Variants in RBKS observed in about 807,000 individuals in gnomAD.
RBKS encodes ribokinase.
RBKS carries 33 observed loss-of-function variants against 33.9 expected under a neutral mutation model. That is an observed-to-expected ratio of 0.97 (90% CI 0.74 to 1.30). RBKS has a LOEUF of 1.30. RBKS is among the 50% of genes most tolerant of loss of function. The pLI, the probability that RBKS is intolerant of heterozygous loss-of-function variation, is 0.00. For synonymous variants in RBKS, 125 were observed against 143.0 expected (o/e 0.87, Z 0.90); for missense variants, 361 against 392.6 (o/e 0.92, Z 0.68).
In RBKS at chr2:27,781,729, C is replaced by T. The variant is rs1424246169; in HGVS notation, c.855G>A (p.Leu285=). 6.2e-7 allele frequency: 1 copy of T among 1,614,108 alleles called. No homozygotes were observed. Among genetic ancestry groups the T allele is most frequent in the Non-Finnish European group, 8.5e-7 (1 of 1,180,008 alleles). The change falls in exon 8 of 8, where the codon CTG becomes CTA. Residue 285 remains leucine (L), a synonymous_variant. Coordinates refer to ENST00000302188, the MANE Select transcript of RBKS (RefSeq NM_022128.3). ...ATCTGTTGAGCATGTCTTCCAAGGACAGATTTGGATAGTAAGCCAGGTAGA... is the reference window on the plus strand; with the variant it reads ...ATCTGTTGAGCATGTCTTCCAAGGATAGATTTGGATAGTAAGCCAGGTAGA... ...LAFYLAYYPN[L]SLEDMLNRSN... is the part of the protein sequence containing the mutation.
At chr2:27,848,946 A>C (rs957214981) in intron 2 of RBKS, among the ~76,000 whole-genome samples, 1 of 152,046 alleles carries the variant, frequency 6.6e-6, no homozygotes, top group Non-Finnish European at 1.5e-5. Flanking sequence ...TGGGACTTTT[A>C]CTGAAACTAC....
intron 6 of RBKS, among the ~76,000 whole-genome samples, chr2:27,829,458 T>G (rs1228739818): frequency 7.0e-6 from 1 of 142,000 alleles, no homozygotes; most frequent in African/African-American, 2.7e-5. Context: ...AACCTGTGCC[T>G]CCCAGGTTCA....
intron 1 of RBKS, among the ~76,000 whole-genome samples, chr2:27,878,962 A>AT (rs1407995745): frequency 6.6e-6 from 1 of 152,176 alleles, no homozygotes; most frequent in Non-Finnish European, 1.5e-5. Flanking sequence ...AGCATGGCTG[A>AT]TTAGGCCTTT....
intron 1 of RBKS, among the ~76,000 whole-genome samples, chr2:27,864,849 A>C (rs559966489): frequency 2.0e-5 from 3 of 152,322 alleles, no homozygotes; most frequent in African/African-American, 2.4e-5. Context: ...GTGGGGGAAG[A>C]AGCAGCATGC....
At chr2:27,803,431 C>T (rs1346831960) in intron 7 of RBKS, among the ~76,000 whole-genome samples, 1 of 152,138 alleles carries the variant, frequency 6.6e-6, no homozygotes, top group Non-Finnish European at 1.5e-5. Flanking sequence ...GGTGTGGTGG[C>T]TCATGCCTGT....
In RBKS at chr2:27,890,274, G is replaced by C; in HGVS notation, c.72C>G (p.Cys24Trp). The change falls in exon 1 of 8, where the codon TGC becomes TGG. Residue 24 changes from cysteine (C) to tryptophan (W), a missense_variant. By Grantham distance (215) the Cys-to-Trp change is radical. Transcript: ENST00000302188. This position sits in a 1 kb window ranked among gnomAD's most constrained non-coding sequence, Gnocchi z 4.8. Reference protein sequence around the residue: ...EVAAVVVVGSCMTDLVSLTSR... With the variant: ...EVAAVVVVGSWMTDLVSLTSR... The stretch of plus-strand genomic sequence containing the variant: ...GGACTAACCTGACCAGGTCGGTCAT[G>C]CAGGAGCCCACCACTACCACCGCCG... 6.2e-7 allele frequency: 1 copy of C among 1,613,764 alleles called. No homozygotes were observed. Among genetic ancestry groups the C allele is most frequent in the Non-Finnish European group, 8.5e-7 (1 of 1,180,006 alleles).
intron 1 of RBKS, among the ~76,000 whole-genome samples, chr2:27,866,895 A>G (rs1015258991): frequency 1.3e-5 from 2 of 151,978 alleles, no homozygotes; most frequent in Non-Finnish European, 2.9e-5. Context: ...TTTGAGCTCA[A>G]GAGTTTGAGA....
At chr2:27,856,260 G>A (rs1413546898) in intron 2 of RBKS, among the ~76,000 whole-genome samples, 1 of 152,160 alleles carries the variant, frequency 6.6e-6, no homozygotes, top group East Asian at 1.9e-4. Context: ...CAGACACACA[G>A]GCTAAAATCC....
At chr2:27,803,380 G>A (rs1677835663) in intron 7 of RBKS, among the ~76,000 whole-genome samples, 1 of 152,098 alleles carries the variant, frequency 6.6e-6, no homozygotes, top group Non-Finnish European at 1.5e-5. Flanking sequence ...TCTACTACCA[G>A]CCACCTTGAT....
chr2:27,853,620 T>C (rs1464201428), intron 2 of RBKS, among the ~76,000 whole-genome samples: 1 of 152,126 alleles, frequency 6.6e-6, no homozygotes, highest in Non-Finnish European at 1.5e-5. Flanking sequence ...ATTGCACCAC[T>C]GCACTCTAGC....
chr2:27,829,227 A>T (rs1678375125), intron 6 of RBKS, among the ~76,000 whole-genome samples: 2 of 151,732 alleles, frequency 1.3e-5, no homozygotes, highest in Admixed American at 1.3e-4. Context: ...TCTTGGGCAA[A>T]TTCATCTGTA....
chr2:27,809,910 A>C, intron 7 of RBKS: 1 of 1,300,594 alleles, frequency 7.7e-7, no homozygotes, highest in South Asian at 1.2e-5. Flanking sequence ...TTGTATTTAT[A>C]TTCATTTTTG....
intron 5 of RBKS, among the ~76,000 whole-genome samples, chr2:27,836,580 G>C (rs1323192136): frequency 1.3e-5 from 2 of 152,068 alleles, no homozygotes; most frequent in African/African-American, 4.8e-5. Context: ...TTTTGACACT[G>C]GCATTGGCAA....
intron 7 of RBKS, among the ~76,000 whole-genome samples, chr2:27,804,006 C>T (rs1677850672): frequency 6.6e-6 from 1 of 152,158 alleles, no homozygotes; most frequent in African/African-American, 2.4e-5. Flanking sequence ...CACACCACTG[C>T]ACTTCAGCCT....
intron 4 of RBKS, 114 bp downstream of exon 4, chr2:27,846,928 G>T: frequency 1.5e-6 from 1 of 648,864 alleles, no homozygotes; most frequent in Non-Finnish European, 2.8e-6. Flanking sequence ...TTAGGCCTTG[G>T]AGTGATGGGT....
chr2:27,843,239 G>T lies in RBKS; in HGVS notation c.350-8C>A, dbSNP rs760508834. On this transcript the variant is annotated splice_region_variant and splice_polypyrimidine_tract_variant and intron_variant, in intron 4 of 7. Coordinates refer to ENST00000302188, the MANE Select transcript of RBKS (RefSeq NM_022128.3). Reference sequence around the variant, plus strand: ...TGACAATGATATTCTGGCCTATAAAGAAATTCCACCTATTATATTAAAACT... The same window carrying T: ...TGACAATGATATTCTGGCCTATAAATAAATTCCACCTATTATATTAAAACT... The T allele has an allele frequency of 1.3e-6, 2 of 1,594,206 alleles. No homozygotes were observed. Among genetic ancestry groups the T allele is most frequent in the South Asian group, 2.3e-5 (2 of 87,752 alleles).
At chr2:27,858,128 T>G (rs1033974020) in intron 2 of RBKS, among the ~76,000 whole-genome samples, 5 of 152,194 alleles carry the variant, frequency 3.3e-5, no homozygotes, top group African/African-American at 1.2e-4. Context: ...ATAATATATA[T>G]TCCATTTATA....
chr2:27,805,930 T>C (rs1316567162), intron 7 of RBKS, among the ~76,000 whole-genome samples: 11 of 147,262 alleles, frequency 7.5e-5, no homozygotes, highest in East Asian at 4.1e-4. Flanking sequence ...TTCACTCTGT[T>C]TCCCAGGCTG....
At chr2:27,874,575 C>T (rs542254543) in intron 1 of RBKS, among the ~76,000 whole-genome samples, 94 of 152,314 alleles carry the variant, frequency 6.2e-4, no homozygotes, top group Middle Eastern at 3.4e-3. Flanking sequence ...GCCACTTATA[C>T]GCTGATGTGT....
Sources: allele counts gnomAD v4.1 joint callset (sites outside exome capture counted in the v4.1 genomes callset), GRCh38; gene constraint gnomAD v4.1.1; non-coding constraint Gnocchi (gnomAD v3.1); transcripts MANE v1.5; gene names NCBI Gene and HGNC (gene_info 2026-07-23, HGNC 2026-07-21).